Variants in UBE2E3 observed in about 807,000 individuals in gnomAD.
The protein encoded by UBE2E3 is ubiquitin conjugating enzyme E2 E3.
Under a neutral mutation model 23.6 loss-of-function variants are expected in UBE2E3, and 5 were observed. The observed-to-expected ratio is 0.21, with a 90% CI of 0.11 to 0.44. The LOEUF (loss-of-function observed/expected upper bound fraction) is 0.44, where lower values mean the gene tolerates loss of function less well. Among genes scored for constraint, UBE2E3 ranks in the 20% least tolerant of loss-of-function variants. The pLI, the probability that UBE2E3 is intolerant of heterozygous loss-of-function variation, is 0.99. For missense variants in UBE2E3, 81 were observed against 249.8 expected (o/e 0.32, Z 4.55); for synonymous variants, 78 against 87.5 (o/e 0.89, Z 0.60).
At chr2:181,060,245 G>A (rs768116985) in intron 4 of UBE2E3, among the ~76,000 whole-genome samples, 10 of 151,484 alleles carry the variant, frequency 6.6e-5, no homozygotes, top group Non-Finnish European at 1.0e-4. Flanking sequence ...GTAAGAAACT[G>A]ATGTAACTTT....
chr2:181,048,965 A>G (rs1321104846), intron 3 of UBE2E3, among the ~76,000 whole-genome samples: 13 of 151,984 alleles, frequency 8.6e-5, no homozygotes, highest in Admixed American at 8.5e-4. Context: ...AAAATGAACA[A>G]CTCATTGCTA....
intron 3 of UBE2E3, among the ~76,000 whole-genome samples, chr2:181,020,121 C>T (rs975223847): frequency 6.6e-6 from 1 of 152,166 alleles, no homozygotes; most frequent in Non-Finnish European, 1.5e-5. Context: ...GCTGCCATAA[C>T]CAAGTACCAC....
intron 3 of UBE2E3, among the ~76,000 whole-genome samples, chr2:181,050,906 G>A (rs1248630978): frequency 1.3e-5 from 2 of 151,778 alleles, no homozygotes; most frequent in Admixed American, 1.3e-4. Context: ...CTTCTTTCTT[G>A]TTTCAACGTA....
At chr2:181,003,451 T>G (rs950941984) in intron 3 of UBE2E3, among the ~76,000 whole-genome samples, 1 of 143,252 alleles carries the variant, frequency 7.0e-6, no homozygotes, top group Admixed American at 6.9e-5. Flanking sequence ...TATGTCTACT[T>G]TTGAAGAACT....
intron 4 of UBE2E3, 86 bp downstream of exon 4, chr2:181,057,911 G>A: frequency 7.4e-7 from 1 of 1,358,390 alleles, no homozygotes; most frequent in Non-Finnish European, 1.0e-6. Flanking sequence ...TATTGATGCA[G>A]TTATTTTGAT....
intron 2 of UBE2E3, 93 bp downstream of exon 2, chr2:180,982,329 C>A (rs568740665): frequency 3.5e-6 from 4 of 1,139,888 alleles, no homozygotes; most frequent in East Asian, 4.7e-5. Context: ...AGCAGTAGTT[C>A]AGAAATATTT....
intron 3 of UBE2E3, among the ~76,000 whole-genome samples, chr2:181,057,181 G>A (rs1221789746): frequency 1.3e-5 from 2 of 151,758 alleles, no homozygotes; most frequent in Non-Finnish European, 2.9e-5. Flanking sequence ...TTTTTTAAAA[G>A]GGTATTACCG....
chr2:180,986,331 G>A (rs1684468221), intron 3 of UBE2E3, among the ~76,000 whole-genome samples: 2 of 152,108 alleles, frequency 1.3e-5, no homozygotes, highest in Non-Finnish European at 2.9e-5. Context: ...TTTACCATAT[G>A]CCTCACATGT....
chr2:180,990,269 A>G (rs1169774778), intron 3 of UBE2E3, among the ~76,000 whole-genome samples: 2 of 152,212 alleles, frequency 1.3e-5, no homozygotes, highest in Non-Finnish European at 2.9e-5. Context: ...TAGTAGGTAG[A>G]CGTCAGTGGT....
intron 3 of UBE2E3, 21 bp downstream of exon 3, chr2:180,984,114 T>C (rs1183293426): frequency 2.2e-5 from 35 of 1,602,458 alleles, no homozygotes; most frequent in Non-Finnish European, 2.9e-5. Flanking sequence ...AATTTTGTTG[T>C]TTTGGTTTCA....
At chr2:181,034,900 A>G (rs141412437) in intron 3 of UBE2E3, among the ~76,000 whole-genome samples, 10 of 152,328 alleles carry the variant, frequency 6.6e-5, no homozygotes, top group South Asian at 2.1e-4. Flanking sequence ...AAAAGTTAAC[A>G]TATTTGAAGA....
chr2:181,005,751 C>T (rs960218591), intron 3 of UBE2E3, among the ~76,000 whole-genome samples: 3 of 152,116 alleles, frequency 2.0e-5, no homozygotes, highest in Non-Finnish European at 4.4e-5. Flanking sequence ...ACATTTTTAG[C>T]TTTAATCTTT....
chr2:181,019,643 T>A (rs926655939), intron 3 of UBE2E3, among the ~76,000 whole-genome samples: 6 of 152,304 alleles, frequency 3.9e-5, no homozygotes, highest in Admixed American at 6.5e-5. Context: ...AAAGTCTACT[T>A]ACTATTAGTT....
At chr2:181,006,157 A>G (rs912007606) in intron 3 of UBE2E3, among the ~76,000 whole-genome samples, 1 of 152,198 alleles carries the variant, frequency 6.6e-6, no homozygotes, top group Non-Finnish European at 1.5e-5. Flanking sequence ...AGGAGGCAGA[A>G]GTCTGTAGGG....
intron 3 of UBE2E3, among the ~76,000 whole-genome samples, chr2:181,025,305 T>C (rs1685849137): frequency 6.6e-6 from 1 of 152,000 alleles, no homozygotes; most frequent in African/African-American, 2.4e-5. Flanking sequence ...ATGGAGTGTC[T>C]TGCTTTCTAG....
At chr2:180,986,628 T>C (rs1684479409) in intron 3 of UBE2E3, among the ~76,000 whole-genome samples, 1 of 152,142 alleles carries the variant, frequency 6.6e-6, no homozygotes, top group African/African-American at 2.4e-5. Flanking sequence ...GAATCTATAT[T>C]CATAAATTCT....
chr2:180,989,130 G>A (rs921423143), intron 3 of UBE2E3, among the ~76,000 whole-genome samples: 4 of 152,036 alleles, frequency 2.6e-5, no homozygotes, highest in African/African-American at 9.7e-5. Flanking sequence ...CTGGGGACTT[G>A]GGCGTTAGTG....
intron 3 of UBE2E3, among the ~76,000 whole-genome samples, chr2:181,038,705 A>C (rs1559131144): frequency 6.6e-6 from 1 of 152,250 alleles, no homozygotes; most frequent in African/African-American, 2.4e-5. Context: ...AAAGACTTGT[A>C]TCCAGAACAT....
chr2:181,062,373 G>A (rs1174005260), intron 5 of UBE2E3, among the ~76,000 whole-genome samples: 2 of 151,560 alleles, frequency 1.3e-5, no homozygotes, highest in South Asian at 4.1e-4. Context: ...ACAGAATGAA[G>A]GAAGCATTTT....
Sources: gnomAD v4.1 joint callset for allele counts (sites outside exome capture counted in the v4.1 genomes callset) on GRCh38, gnomAD v4.1.1 for gene constraint, MANE v1.5 for transcripts, NCBI Gene and HGNC (gene_info 2026-07-23, HGNC 2026-07-21) for gene names.